Variants in ECT2 observed in about 807,000 individuals in gnomAD.
ECT2 encodes the protein protein ECT2.
ECT2 carries 61 observed loss-of-function variants against 116.9 expected under a neutral mutation model. The observed-to-expected ratio is 0.52, with a 90% CI of 0.42 to 0.65. The LOEUF (loss-of-function observed/expected upper bound fraction) is 0.65. Ranked by LOEUF, ECT2 falls within the 30% of genes least tolerant of loss-of-function variation. The pLI is 0.00. For missense variants in ECT2, 937 were observed against 1,078.7 expected (o/e 0.87, Z 1.84); for synonymous variants, 358 against 346.4 (o/e 1.03, Z -0.37).
At chr3:172,812,944 A>G (rs916395931) in intron 22 of ECT2, among the ~76,000 whole-genome samples, 1 of 152,170 alleles carries the variant, frequency 6.6e-6, no homozygotes, top group Non-Finnish European at 1.5e-5. Context: ...TGATCCCTCT[A>G]CTATGAGATA....
At chr3:172,809,790 C>T (rs531310223) in intron 22 of ECT2, among the ~76,000 whole-genome samples, 39 of 152,164 alleles carry the variant, frequency 2.6e-4, no homozygotes, top group African/African-American at 7.2e-4. Flanking sequence ...TTTCATTTGT[C>T]GTGTCCGCTC....
intron 12 of ECT2, among the ~76,000 whole-genome samples, chr3:172,766,870 A>G (rs1719494092): frequency 6.6e-6 from 1 of 152,024 alleles, no homozygotes; most frequent in East Asian, 1.9e-4. Context: ...AACATAAAGG[A>G]CTGAAACTTG....
chr3:172,816,960 C>G (rs1252733776), intron 24 of ECT2, 123 bp downstream of exon 24: 1 of 709,204 alleles, frequency 1.4e-6, no homozygotes, highest in Non-Finnish European at 2.2e-6. Flanking sequence ...TTTATTTAAC[C>G]CAGTATGCTA....
At chr3:172,768,411 C>T (rs977935807) in intron 12 of ECT2, among the ~76,000 whole-genome samples, 8 of 152,172 alleles carry the variant, frequency 5.3e-5, no homozygotes, top group Non-Finnish European at 8.8e-5. Flanking sequence ...ATAATACACA[C>T]GTGCACATGT....
intron 20 of ECT2, among the ~76,000 whole-genome samples, chr3:172,803,442 GTGAA>G (rs1161198962): frequency 6.6e-6 from 1 of 152,134 alleles, no homozygotes; most frequent in Admixed American, 6.6e-5. Flanking sequence ...AGGTTTTAGA[GTGAA>G]TGAGGGGTCA....
chr3:172,796,986 T>A (rs1412938483), intron 18 of ECT2, among the ~76,000 whole-genome samples: 3 of 151,388 alleles, frequency 2.0e-5, no homozygotes, highest in Admixed American at 2.0e-4. Context: ...ATTTTCCTTT[T>A]GAAGTTTCTC....
chr3:172,805,551 G>A (rs1173475380), intron 20 of ECT2, among the ~76,000 whole-genome samples, 180 bp from the exon 21 acceptor site: 1 of 152,014 alleles, frequency 6.6e-6, no homozygotes. Context: ...GAACATTTCT[G>A]CTATACAATT....
downstream of ECT2, among the ~76,000 whole-genome samples, chr3:172,825,858 A>G (rs1730827195): frequency 6.6e-6 from 1 of 152,236 alleles, no homozygotes; most frequent in African/African-American, 2.4e-5. Flanking sequence ...TTCAATGTAG[A>G]TGAAACAGCC....
chr3:172,756,449 T>A (rs1022913300), intron 4 of ECT2, among the ~76,000 whole-genome samples: 5 of 152,228 alleles, frequency 3.3e-5, no homozygotes, highest in Non-Finnish European at 5.9e-5. Flanking sequence ...ATATTGCACA[T>A]CTTTCTCATA....
the ECT2 span, among the ~76,000 whole-genome samples, chr3:172,826,848 A>G: frequency 6.6e-6 from 1 of 152,242 alleles, no homozygotes; most frequent in Admixed American, 6.5e-5. Flanking sequence ...CAATCAACAA[A>G]GTGAAGAGAC....
At chr3:172,828,741 A>T in the ECT2 span, 46 of 550,728 alleles carry the variant, frequency 8.4e-5, no homozygotes, top group African/African-American at 7.9e-4. Context: ...TCACGTGGCG[A>T]AGAGGATGAG....
intron 22 of ECT2, among the ~76,000 whole-genome samples, chr3:172,809,391 T>C (rs2109174135): frequency 6.6e-6 from 1 of 152,266 alleles, no homozygotes; most frequent in South Asian, 2.1e-4. Context: ...TTCTGACTTA[T>C]CCTTACACTA....
chr3:172,764,460 A>G lies in ECT2; in HGVS notation c.1251A>G (p.Leu417=), dbSNP rs140554389. ...AEHSLSIGSL[L]DISNTPESSI... ...ATTCCCTTTCCATAGGGTCACTCCT[A>G]GATATCTCCAACACACCAGAGTCTA... Residue 417 remains leucine (L), a synonymous_variant, in exon 12 of 25, where the codon CTA becomes CTG. Coordinates refer to ENST00000392692, the MANE Select transcript of ECT2 (RefSeq NM_001258315.2). 83 of 1,614,154 alleles carry G rather than the reference A, an allele frequency of 5.1e-5. No individual in the cohort carries two copies. The African/African-American group carries it at 7.9e-4, about 15-fold the overall frequency.
At chr3:172,792,399 G>A in intron 18 of ECT2, among the ~76,000 whole-genome samples, 1 of 149,604 alleles carries the variant, frequency 6.7e-6, no homozygotes, top group South Asian at 2.1e-4. Context: ...TAAAGCGAGG[G>A]ATGCCTATAT....
downstream of ECT2, among the ~76,000 whole-genome samples, chr3:172,821,992 G>A (rs1177564288): frequency 6.6e-6 from 1 of 151,820 alleles, no homozygotes; most frequent in Admixed American, 6.6e-5. Flanking sequence ...TGTATCATGT[G>A]TAAAATTAGG....
chr3:172,775,871 T>C (rs1462179416), intron 14 of ECT2, among the ~76,000 whole-genome samples: 1 of 152,074 alleles, frequency 6.6e-6, no homozygotes, highest in Admixed American at 6.6e-5. Flanking sequence ...TGACCTCAAG[T>C]GATCCGCCCG....
At chr3:172,753,820 C>G (rs1560235697) in intron 1 of ECT2, among the ~76,000 whole-genome samples, 1 of 152,118 alleles carries the variant, frequency 6.6e-6, no homozygotes, top group Non-Finnish European at 1.5e-5. Context: ...AGGCGGGGAC[C>G]AAATTGTGAA....
intron 11 of ECT2, 27 bp downstream of exon 11, chr3:172,762,999 G>C (rs1308522379): frequency 6.2e-7 from 1 of 1,607,510 alleles, no homozygotes; most frequent in Non-Finnish European, 8.5e-7. Flanking sequence ...TTACTTATTT[G>C]TTCTGTGAGC....
intron 14 of ECT2, among the ~76,000 whole-genome samples, chr3:172,775,722 C>T (rs1251369016): frequency 2.0e-5 from 3 of 151,658 alleles, no homozygotes; most frequent in Non-Finnish European, 4.4e-5. Context: ...CAACCTCTGC[C>T]TCCCGGGTTC....
Sources: gnomAD v4.1 joint callset for allele counts (sites outside exome capture counted in the v4.1 genomes callset) on GRCh38, gnomAD v4.1.1 for gene constraint, MANE v1.5 for transcripts, NCBI Gene and HGNC (gene_info 2026-07-23, HGNC 2026-07-21) for gene names.